The following DNAJC5B variants were observed in gnomAD, a reference collection of about 807,000 sequenced individuals.
DNAJC5B encodes dnaJ homolog subfamily C member 5B.
DNAJC5B carries 23 observed loss-of-function variants against 24.7 expected under a neutral mutation model. That is an observed-to-expected ratio of 0.93 (90% CI 0.67 to 1.32). DNAJC5B has a LOEUF of 1.32. DNAJC5B is among the 40% of genes most tolerant of loss of function. The pLI, the probability that DNAJC5B is intolerant of heterozygous loss-of-function variation, is 0.00. For missense variants in DNAJC5B, 238 were observed against 240.8 expected (o/e 0.99, Z 0.08); for synonymous variants, 101 against 90.1 (o/e 1.12, Z -0.68).
intron 1 of DNAJC5B, among the ~76,000 whole-genome samples, chr8:66,035,705 G>A (rs2357663): frequency 0.45 from 69,026 of 152,094 alleles, 20,242 homozygotes; most frequent in African/African-American, 0.84. Flanking sequence ...CCTGTAAGAT[G>A]AGACATTCCT....
At chr8:66,082,668 G>A (rs186469998) in intron 5 of DNAJC5B, among the ~76,000 whole-genome samples, 2 of 152,256 alleles carry the variant, frequency 1.3e-5, no homozygotes, top group Admixed American at 1.3e-4. Flanking sequence ...GCTTTATCTT[G>A]TTTCTAAATA....
chr8:66,057,799 T>C (rs978920531), intron 3 of DNAJC5B: 1 of 152,206 alleles, frequency 6.6e-6, no homozygotes, highest in African/African-American at 2.4e-5. Context: ...AGAAGAACTG[T>C]CAACAGAAAA....
At chr8:66,096,830 G>GATA (rs1807963876) in intron 5 of DNAJC5B, among the ~76,000 whole-genome samples, 1 of 151,848 alleles carries the variant, frequency 6.6e-6, no homozygotes, top group East Asian at 1.9e-4. Flanking sequence ...ATATCCATTG[G>GATA]TATTTATTAT....
At chr8:66,019,485 A>G (rs1039957527), upstream of DNAJC5B, among the ~76,000 whole-genome samples, 7 of 152,232 alleles carry the variant, frequency 4.6e-5, no homozygotes, top group Admixed American at 1.3e-4. Flanking sequence ...TCTTCAAGGT[A>G]TTGGGACCAA....
chr8:66,081,408 C>G (rs778048655), intron 5 of DNAJC5B, among the ~76,000 whole-genome samples: 12 of 151,980 alleles, frequency 7.9e-5, no homozygotes, highest in Admixed American at 5.2e-4. Flanking sequence ...CACTGAATCC[C>G]CAAAAAACCT....
chr8:66,055,542 TA>T (rs1361423830), intron 3 of DNAJC5B, among the ~76,000 whole-genome samples: 1 of 152,202 alleles, frequency 6.6e-6, no homozygotes, highest in Non-Finnish European at 1.5e-5. Flanking sequence ...AACAGGTATA[TA>T]AAAAAGTCTT....
At chr8:66,053,294 A>G (rs1347371625) in intron 3 of DNAJC5B, among the ~76,000 whole-genome samples, 1 of 152,178 alleles carries the variant, frequency 6.6e-6, no homozygotes, top group Non-Finnish European at 1.5e-5. Flanking sequence ...TGAAACAACC[A>G]GAAACTTTTG....
At chr8:66,074,177 C>T (rs1332554421) in intron 3 of DNAJC5B, among the ~76,000 whole-genome samples, 1 of 152,126 alleles carries the variant, frequency 6.6e-6, no homozygotes, top group African/African-American at 2.4e-5. Context: ...ATATAAACCA[C>T]GAGATTGACA....
At chr8:66,055,443 G>GC (rs1381119284) in intron 3 of DNAJC5B, among the ~76,000 whole-genome samples, 1 of 152,148 alleles carries the variant, frequency 6.6e-6, no homozygotes, top group Non-Finnish European at 1.5e-5. Flanking sequence ...ATTTGGCTGT[G>GC]CTCTTGAAAA....
chr8:66,019,869 G>A (rs530377986), upstream of DNAJC5B, among the ~76,000 whole-genome samples: 1 of 152,304 alleles, frequency 6.6e-6, no homozygotes, highest in South Asian at 2.1e-4. Context: ...GTTCTCTTAG[G>A]AGAATTCACA....
chr8:66,060,102 G>T (rs1373322984), intron 3 of DNAJC5B, among the ~76,000 whole-genome samples: 1 of 152,236 alleles, frequency 6.6e-6, no homozygotes, highest in Non-Finnish European at 1.5e-5. Flanking sequence ...AAGCATGGTA[G>T]AAAAGCTCCT....
intron 3 of DNAJC5B, among the ~76,000 whole-genome samples, chr8:66,073,813 A>G (rs796916570): frequency 2.0e-5 from 3 of 152,232 alleles, no homozygotes; most frequent in African/African-American, 7.2e-5. Context: ...CCTCCAGCAC[A>G]TTAAAATGTC....
At chr8:66,016,242 G>A in the DNAJC5B span, among the ~76,000 whole-genome samples, 1 of 152,190 alleles carries the variant, frequency 6.6e-6, no homozygotes, top group Non-Finnish European at 1.5e-5. Context: ...GTTTGGCTGT[G>A]TCCCCACTCA....
intron 3 of DNAJC5B, among the ~76,000 whole-genome samples, chr8:66,059,334 A>G (rs997526901): frequency 6.6e-6 from 1 of 152,256 alleles, no homozygotes; most frequent in Non-Finnish European, 1.5e-5. Flanking sequence ...ATTTGAGTTA[A>G]TCTTTTAAAT....
intron 3 of DNAJC5B, among the ~76,000 whole-genome samples, chr8:66,070,892 G>A (rs900602663): frequency 4.4e-4 from 67 of 152,076 alleles, no homozygotes; most frequent in Non-Finnish European, 1.6e-4. Flanking sequence ...CTCAGAAATA[G>A]CACCACACAT....
In DNAJC5B at chr8:66,090,120, C is replaced by CCTAT. The variant is rs377393096; in HGVS notation, c.505+9573_505+9576dup. ...ATATTTTTAAAAAGCTCACTTAGAC[C>CCTAT]CTATACTCCTCTAGCAGTTGAAGGC... On this transcript the variant is annotated intron_variant, in intron 5 of 5. Transcript: ENST00000276570. Among the ~76,000 whole-genome samples the CCTAT allele has an allele frequency of 4.9e-3, 746 of 152,048 alleles. 5 individuals carry two copies. The highest frequency in any genetic ancestry group is 0.017 in the African/African-American group (723 of 41,488).
intron 5 of DNAJC5B, 64 bp downstream of exon 5, chr8:66,080,612 C>A (rs192091139): frequency 4.3e-6 from 6 of 1,402,652 alleles, no homozygotes; most frequent in Non-Finnish European, 4.8e-6. Flanking sequence ...GCACCAGGTC[C>A]CACGGGGACA....
At chr8:66,038,443 G>A (rs1430110490) in intron 1 of DNAJC5B, among the ~76,000 whole-genome samples, 1 of 152,176 alleles carries the variant, frequency 6.6e-6, no homozygotes, top group Non-Finnish European at 1.5e-5. Context: ...TCAGGCCTAT[G>A]CTTTTACCAT....
intron 2 of DNAJC5B, among the ~76,000 whole-genome samples, chr8:66,045,033 G>C (rs1342532032): frequency 6.6e-6 from 1 of 152,122 alleles, no homozygotes; most frequent in African/African-American, 2.4e-5. Flanking sequence ...AGGTTTCAAT[G>C]TATTACTCTA....
Sources: gnomAD v4.1 joint callset for allele counts (sites outside exome capture counted in the v4.1 genomes callset) on GRCh38, gnomAD v4.1.1 for gene constraint, MANE v1.5 for transcripts, NCBI Gene and HGNC (gene_info 2026-07-23, HGNC 2026-07-21) for gene names.